Variants in RERE observed in about 807,000 individuals in gnomAD.
The protein encoded by RERE is arginine-glutamic acid dipeptide repeats protein.
Under a neutral mutation model 146.1 loss-of-function variants are expected in RERE, and 40 were observed. The observed-to-expected ratio is 0.27, with a 90% CI of 0.21 to 0.36. RERE has a LOEUF of 0.36. RERE is among the 10% of genes least tolerant of loss of function. The pLI is 1.00. For missense variants in RERE, 1,933 were observed against 2,138.7 expected, an observed-to-expected ratio of 0.90 and a Z score of 1.90; for synonymous variants, 1,003 against 866.0, an observed-to-expected ratio of 1.16 and a Z score of -2.78.
At chr1:8,452,010 C>T (rs1456450646) in intron 11 of RERE, among the ~76,000 whole-genome samples, 6 of 152,144 alleles carry the variant, frequency 3.9e-5, no homozygotes, top group African/African-American at 7.2e-5. Context: ...ACCTCACATC[C>T]TCCCCCACCC....
chr1:8,454,837 C>A (rs301812), intron 11 of RERE, among the ~76,000 whole-genome samples: 128,632 of 151,166 alleles, frequency 0.85, 55,106 homozygotes, highest in East Asian at 0.94. Context: ...CAAAAAAAAA[C>A]CCCCACAAAA....
intron 12 of RERE, among the ~76,000 whole-genome samples, chr1:8,391,981 C>T (rs982742756): frequency 2.0e-4 from 31 of 152,238 alleles, no homozygotes; most frequent in African/African-American, 7.2e-4. Flanking sequence ...GAGCCAAGAT[C>T]GCGCTATTGC....
intron 11 of RERE, chr1:8,424,749 A>C (rs1323485509): frequency 6.6e-6 from 1 of 152,470 alleles, no homozygotes; most frequent in Non-Finnish European, 1.5e-5. Flanking sequence ...CAGAGGAACA[A>C]AGGGTGGTGG....
rs374681544 is a variant in RERE, at chr1:8,355,043, C to G, written c.*44G>C. 3.6e-5 allele frequency: 57 copies of G among 1,566,488 alleles called. No individual in the cohort carries two copies. In the African/African-American group the frequency reaches 7.7e-4, roughly 21 times the overall value. ...TATGTAAAAAGTCCTGTTTCTCCCC[C>G]CAAGAACTGGGGTTTCCACAGCCAG... On this transcript the variant is annotated 3_prime_UTR_variant, in exon 23 of 23. Coordinates refer to ENST00000400908, the MANE Select transcript of RERE (RefSeq NM_001042681.2).
At chr1:8,445,084 G>C (rs1191300758) in intron 11 of RERE, among the ~76,000 whole-genome samples, 1 of 152,172 alleles carries the variant, frequency 6.6e-6, no homozygotes, top group East Asian at 1.9e-4. Flanking sequence ...TTGGGAGTGG[G>C]TATGCGCTTT....
chr1:8,475,760 T>TCC (rs1163182053), intron 10 of RERE, among the ~76,000 whole-genome samples: 4 of 152,082 alleles, frequency 2.6e-5, no homozygotes, highest in Non-Finnish European at 5.9e-5. Flanking sequence ...CATTTATACC[T>TCC]CCATCATCGA....
chr1:8,488,086 CAAA>C (rs61502634), intron 10 of RERE, among the ~76,000 whole-genome samples: 1 of 126,116 alleles, frequency 7.9e-6, no homozygotes, highest in Non-Finnish European at 1.7e-5. Context: ...TTTTTTTAAT[CAAA>C]AAAAAAAAAA....
intron 8 of RERE, among the ~76,000 whole-genome samples, chr1:8,507,389 T>C (rs1192882967): frequency 6.6e-6 from 1 of 152,206 alleles, no homozygotes; most frequent in East Asian, 1.9e-4. Flanking sequence ...CCTAACCATC[T>C]TGACTCTCCT....
At chr1:8,796,429 C>G (rs999473759) in intron 1 of RERE, 6 of 151,446 alleles carry the variant, frequency 4.0e-5, no homozygotes, top group African/African-American at 1.5e-4. Flanking sequence ...ATTAAAAGCC[C>G]AAGAAAAAAT....
At chr1:8,538,324 T>A (rs1364656837) in intron 7 of RERE, among the ~76,000 whole-genome samples, 1 of 152,178 alleles carries the variant, frequency 6.6e-6, no homozygotes, top group Non-Finnish European at 1.5e-5. Context: ...GGGAAAACTA[T>A]ATAGGAAACC....
chr1:8,797,978 G>A (rs1031919271), intron 1 of RERE, among the ~76,000 whole-genome samples: 1 of 152,188 alleles, frequency 6.6e-6, no homozygotes, highest in Non-Finnish European at 1.5e-5. Flanking sequence ...AAATGACTAG[G>A]CCAGGCGCAG....
At chr1:8,408,266 A>C (rs1368740522) in intron 12 of RERE, among the ~76,000 whole-genome samples, 1 of 152,144 alleles carries the variant, frequency 6.6e-6, no homozygotes, top group Non-Finnish European at 1.5e-5. Flanking sequence ...AATAAACCTA[A>C]TCAAAGCCGA....
chr1:8,610,744 CTT>C (rs1646783702), intron 4 of RERE, among the ~76,000 whole-genome samples: 1 of 151,908 alleles, frequency 6.6e-6, no homozygotes, highest in Non-Finnish European at 1.5e-5. Context: ...TGCAACAACC[CTT>C]TGTCATAGAT....
chr1:8,663,696 A>C (rs1440876151), intron 1 of RERE, among the ~76,000 whole-genome samples: 1 of 152,150 alleles, frequency 6.6e-6, no homozygotes, highest in Non-Finnish European at 1.5e-5. Context: ...ATCACCATTT[A>C]AAGCATACAA....
intron 11 of RERE, among the ~76,000 whole-genome samples, chr1:8,455,669 A>C (rs1644445804): frequency 6.6e-6 from 1 of 152,130 alleles, no homozygotes. Flanking sequence ...AAGCAATGTG[A>C]GGTTTCTCTT....
chr1:8,742,877 A>T, intron 1 of RERE, among the ~76,000 whole-genome samples: 1 of 151,876 alleles, frequency 6.6e-6, no homozygotes. Context: ...CAAAAAAAAA[A>T]AAAAAAAAAG....
intron 7 of RERE, among the ~76,000 whole-genome samples, chr1:8,510,087 G>C (rs910473907): frequency 6.6e-6 from 1 of 152,144 alleles, no homozygotes; most frequent in East Asian, 1.9e-4. Flanking sequence ...AGACAAGGAG[G>C]AGGAGGAGAA....
intron 4 of RERE, among the ~76,000 whole-genome samples, chr1:8,593,365 T>G (rs932580333): frequency 2.0e-4 from 31 of 152,096 alleles, no homozygotes; most frequent in Non-Finnish European, 4.1e-4. Flanking sequence ...GACTGAATCA[T>G]GGGGGTGGGT....
intron 1 of RERE, among the ~76,000 whole-genome samples, chr1:8,804,222 C>G (rs1260492919): frequency 6.6e-6 from 1 of 152,082 alleles, no homozygotes; most frequent in East Asian, 1.9e-4. Flanking sequence ...GCAGATTATG[C>G]TACCAAGATC....
Sources: gnomAD v4.1 joint callset for allele counts (sites outside exome capture counted in the v4.1 genomes callset) on GRCh38, gnomAD v4.1.1 for gene constraint, MANE v1.5 for transcripts, NCBI Gene and HGNC (gene_info 2026-07-23, HGNC 2026-07-21) for gene names.